EDC4: variants seen among roughly 807,000 people sequenced by gnomAD.
EDC4 encodes the protein enhancer of mRNA-decapping protein 4.
In EDC4, 64 loss-of-function variants were observed where a neutral mutation model predicts 155.8. The ratio of observed to expected loss-of-function variants is 0.41; its 90% CI spans 0.34 to 0.51. The LOEUF is 0.51. Ranked by LOEUF, EDC4 falls within the 20% of genes least tolerant of loss-of-function variation. The pLI is 0.19. For missense variants in EDC4, 1,303 were observed against 1,812.5 expected, an observed-to-expected ratio of 0.72 and a Z score of 5.10; for synonymous variants, 684 against 716.8, an observed-to-expected ratio of 0.95 and a Z score of 0.73.
At position 67,876,911 on chromosome 16, in the gene EDC4, G is replaced by A; in HGVS notation, c.390G>A (p.Gln130=). Residue 130 remains glutamine (Q), a synonymous_variant, in exon 4 of 29, where the codon CAG becomes CAA. Transcript: ENST00000358933. This position sits in a 1 kb window ranked among gnomAD's most constrained non-coding sequence, Gnocchi z 5.8. The stretch of plus-strand genomic sequence containing the variant: ...CTGTCGCCAAGTATGACTGGGAACA[G>A]AAGTACTACTATGGCAACCTGATTG... The part of the protein sequence containing the change: ...IQPVAKYDWE[Q]KYYYGNLIAV... The A allele has an allele frequency of 6.2e-7, 1 of 1,614,268 alleles. No homozygotes were observed. Among genetic ancestry groups the A allele is most frequent in the Non-Finnish European group, 8.5e-7 (1 of 1,180,044 alleles).
Position 67,878,909 on chromosome 16 carries a change from C to G in EDC4, c.1288-48C>G, listed in dbSNP as rs201852984. Reference sequence around the variant, plus strand: ...GAAGGCCGGGGGGCAGGTGGCGCATCACAGCCCTTAGCCTCTGAGCTCAGC... The same window carrying G: ...GAAGGCCGGGGGGCAGGTGGCGCATGACAGCCCTTAGCCTCTGAGCTCAGC... On this transcript the variant is annotated intron_variant, in intron 11 of 28. Transcript: ENST00000358933. This position sits in a 1 kb window ranked among gnomAD's most constrained non-coding sequence, Gnocchi z 5.2. The G allele has an allele frequency of 2.2e-5, 36 of 1,611,094 alleles. 1 individual carries two copies. In the Admixed American group the frequency reaches 5.8e-4, roughly 26 times the overall value.
At chr16:67,875,798 T>G in intron 1 of EDC4, 147 bp from the exon 2 acceptor site, 1 of 1,471,984 alleles carries the variant, frequency 6.8e-7, no homozygotes, top group Non-Finnish European at 8.9e-7. Flanking sequence ...GAACGAGAGA[T>G]GAACACAGGG....
chr16:67,877,722 A>T lies in EDC4; in HGVS notation c.790-19A>T, dbSNP rs1294652309. The T allele has an allele frequency of 1.9e-6, 3 of 1,613,634 alleles. No individual in the cohort carries two copies. Among genetic ancestry groups the T allele is most frequent in the Non-Finnish European group, 2.5e-6 (3 of 1,179,928 alleles). On this transcript the variant is annotated intron_variant, in intron 6 of 28. Coordinates refer to ENST00000358933, the MANE Select transcript of EDC4 (RefSeq NM_014329.5). This position sits in a 1 kb window ranked among gnomAD's most constrained non-coding sequence, Gnocchi z 4.9. ...TAGTGTGGGGTTGGGCTGCACACTC[A>T]CCTCCCTGTGCCTTCCAGGCTGAGG...
chr16:67,880,894 A>G lies in EDC4; in HGVS notation c.2435A>G (p.Glu812Gly), dbSNP rs767489377. 2 of 1,613,822 alleles carry G rather than the reference A, an allele frequency of 1.2e-6. No individual in the cohort carries two copies. The highest frequency in any genetic ancestry group is 1.7e-6 in the Non-Finnish European group (2 of 1,180,006). Residue 812 changes from glutamate to glycine, a missense_variant, in exon 18 of 29, where the codon GAG (glutamate) becomes GGG (glycine). Glu to Gly is a moderately conservative substitution (Grantham distance 98, BLOSUM62 -2). This residue lies in a region of EDC4 where 527 missense variants were observed against 757.0 expected (regional missense o/e 0.70). Transcript: ENST00000358933. This position sits in a 1 kb window ranked among gnomAD's most constrained non-coding sequence, Gnocchi z 5.2. Reference protein sequence around the residue: ...GDRHNTPSLLEAALTQEASTP... With the variant: ...GDRHNTPSLLGAALTQEASTP... ...CGGCATAATACCCCCTCCCTCCTGG[A>G]GGCAGCCTTGACCCAGGAGGCCTCG...
chr16:67,876,071 C>T lies in EDC4; in HGVS notation c.209C>T (p.Pro70Leu). ...AACAAGACTGGTCTTCGGACCATGC[C>T]ACCCATTAACCTGCAAGAGAAGCAG... ...SANKTGLRTM[P>L]PINLQEKQVI... The change falls in exon 2 of 29, where the codon CCA becomes CTA. Residue 70 changes from proline (P) to leucine (L), a missense_variant. By Grantham distance (98) the Pro-to-Leu change is moderately conservative. Around this residue, in one of 5 missense-constraint regions of EDC4, gnomAD observed 99 missense variants for 121.3 expected, o/e 0.82. Coordinates refer to ENST00000358933, the MANE Select transcript of EDC4 (RefSeq NM_014329.5). The surrounding 1 kb of genome is among the most constrained non-coding windows in gnomAD (Gnocchi z 5.8). 2 of 1,614,170 alleles carry T rather than the reference C, an allele frequency of 1.2e-6. No homozygotes were observed. The highest frequency in any genetic ancestry group is 1.1e-5 in the South Asian group (1 of 91,078).
In EDC4 at chr16:67,879,100, G is replaced by A. The variant is rs748667539; in HGVS notation, c.1431G>A (p.Val477=). 1 of 1,613,788 alleles carries A rather than the reference G, an allele frequency of 6.2e-7. No homozygotes were observed. Among genetic ancestry groups the A allele is most frequent in the East Asian group, 2.2e-5 (1 of 44,896 alleles). The change falls in exon 12 of 29, where the codon GTG becomes GTA. Residue 477 remains valine, a synonymous_variant. Transcript: ENST00000358933. This position sits in a 1 kb window ranked among gnomAD's most constrained non-coding sequence, Gnocchi z 6.0. ...GCTGCCGGCTACGGCACACTGAGGT[G>A]CTGCCTGCCGAAGAGGAAAATGACA... is the stretch of plus-strand genomic sequence containing the variant. The part of the protein sequence containing the change: ...VSRCRLRHTE[V]LPAEEENDSL...
Position 67,878,452 on chromosome 16 carries a change from G to A in EDC4, c.1088+9G>A, listed in dbSNP as rs202038188. Reference sequence around the variant, plus strand: ...AAGAAACAAGACCCTGAGTGAGTGAGTGGGCAGCCTAGTGGGTGGTGGGCT... The same window carrying A: ...AAGAAACAAGACCCTGAGTGAGTGAATGGGCAGCCTAGTGGGTGGTGGGCT... On this transcript the variant is annotated intron_variant, in intron 9 of 28. Coordinates refer to ENST00000358933, the MANE Select transcript of EDC4 (RefSeq NM_014329.5). This position sits in a 1 kb window ranked among gnomAD's most constrained non-coding sequence, Gnocchi z 5.2. 113 of 1,614,238 alleles carry A rather than the reference G, an allele frequency of 7.0e-5. No individual in the cohort carries two copies. The highest frequency in any genetic ancestry group is 3.5e-5 in the Non-Finnish European group (41 of 1,180,030).
Position 67,880,512 on chromosome 16 carries a change from G to T in EDC4, c.2098-45G>T. On this transcript the variant is annotated intron_variant, in intron 17 of 28. Coordinates refer to ENST00000358933, the MANE Select transcript of EDC4 (RefSeq NM_014329.5). The surrounding 1 kb of genome is among the most constrained non-coding windows in gnomAD (Gnocchi z 5.2). ...CCTCGTCTCTGTGCCCCCCATCTCT[G>T]CCTCACTTCCTGTCACTTAAGCCCC... 1 of 1,595,820 alleles carries T rather than the reference G, an allele frequency of 6.3e-7. No homozygotes were observed.
chr16:67,882,260 T>C lies in EDC4; in HGVS notation c.3209T>C (p.Val1070Ala). 1 of 1,613,498 alleles carries C rather than the reference T, an allele frequency of 6.2e-7. No homozygotes were observed. Among genetic ancestry groups the C allele is most frequent in the South Asian group, 1.1e-5 (1 of 90,994 alleles). The change falls in exon 24 of 29, where the codon GTG (valine) becomes GCG (alanine). Residue 1070 changes from valine (V) to alanine (A), a missense_variant. Around this residue, in one of 5 missense-constraint regions of EDC4, gnomAD observed 527 missense variants for 757.0 expected, o/e 0.70. Transcript: ENST00000358933. The surrounding 1 kb of genome is among the most constrained non-coding windows in gnomAD (Gnocchi z 7.2). ...ATGGCAGGCCAACTGAGCAACTCAGTGGCTACCAAGCTCACAGCTGTGGAG... is the reference window on the plus strand; with the variant it reads ...ATGGCAGGCCAACTGAGCAACTCAGCGGCTACCAAGCTCACAGCTGTGGAG... ...EPMAGQLSNS[V>A]ATKLTAVEGS... is the part of the protein sequence containing the mutation.
rs1490755619 is a variant in EDC4, at chr16:67,877,697, T to C, written c.789+41T>C. On this transcript the variant is annotated intron_variant, in intron 6 of 28. Coordinates refer to ENST00000358933, the MANE Select transcript of EDC4 (RefSeq NM_014329.5). The surrounding 1 kb of genome is among the most constrained non-coding windows in gnomAD (Gnocchi z 4.9). ...TGGCGAAGAGGCGCCAGAGAAGCCA[T>C]AGTGTGGGGTTGGGCTGCACACTCA... 3.1e-6 allele frequency: 5 copies of C among 1,614,020 alleles called. No homozygotes were observed. The highest frequency in any genetic ancestry group is 3.4e-6 in the Non-Finnish European group (4 of 1,179,976).
chr16:67,881,660 A>G lies in EDC4; in HGVS notation c.2827-8A>G, dbSNP rs2058068728. On this transcript the variant is annotated splice_polypyrimidine_tract_variant and splice_region_variant and intron_variant, in intron 21 of 28. Transcript: ENST00000358933. The surrounding 1 kb of genome is among the most constrained non-coding windows in gnomAD (Gnocchi z 5.4). ...CAGGCATCGTGTGACTGTCAGTGCTACTGACAGGTGGCAGAGCCCCCTGAG... is the reference window on the plus strand; with the variant it reads ...CAGGCATCGTGTGACTGTCAGTGCTGCTGACAGGTGGCAGAGCCCCCTGAG... 2 of 1,611,522 alleles carry G rather than the reference A, an allele frequency of 1.2e-6. No individual in the cohort carries two copies. The highest frequency in any genetic ancestry group is 1.3e-5 in the African/African-American group (1 of 74,844).
Position 67,880,186 on chromosome 16 carries a change from T to G in EDC4, c.2067T>G (p.Ala689=). ...GLLPGLLPAP[A]DKLTPKGPGQ... Reference sequence around the variant, plus strand: ...TGCCTGGCCTGCTCCCAGCCCCAGCTGACAAACTGACTCCCAAGGGGCCGG... The same window carrying G: ...TGCCTGGCCTGCTCCCAGCCCCAGCGGACAAACTGACTCCCAAGGGGCCGG... The change falls in exon 17 of 29, where the codon GCT becomes GCG. Residue 689 remains alanine (A), a synonymous_variant. Transcript: ENST00000358933. This position sits in a 1 kb window ranked among gnomAD's most constrained non-coding sequence, Gnocchi z 5.2. The G allele has an allele frequency of 2.5e-6, 4 of 1,610,706 alleles. No individual in the cohort carries two copies. The East Asian group carries it at 8.9e-5, about 36-fold the overall frequency.
chr16:67,876,622 A>T lies in EDC4; in HGVS notation c.351+23A>T, dbSNP rs368608238. ...AAGGTAGGTACTGGGATGCTGTGGC[A>T]TATATAATGTACGGGGGCACACCCA... On this transcript the variant is annotated intron_variant, in intron 3 of 28. Coordinates refer to ENST00000358933, the MANE Select transcript of EDC4 (RefSeq NM_014329.5). The surrounding 1 kb of genome is among the most constrained non-coding windows in gnomAD (Gnocchi z 5.8). 6 of 1,613,264 alleles carry T rather than the reference A, an allele frequency of 3.7e-6. No individual in the cohort carries two copies. Among genetic ancestry groups the T allele is most frequent in the Non-Finnish European group, 5.1e-6 (6 of 1,179,718 alleles).
Position 67,878,261 on chromosome 16 carries a change from G to C in EDC4, c.990G>C (p.Gly330=), listed in dbSNP as rs937335187. The C allele has an allele frequency of 6.2e-7, 1 of 1,614,072 alleles. No individual in the cohort carries two copies. Among genetic ancestry groups the C allele is most frequent in the African/African-American group, 1.3e-5 (1 of 74,926 alleles). ...YVKFWQIYIE[G]QDEPRCLHEW... is the part of the protein sequence containing the mutation. ...AGTTCTGGCAGATCTACATTGAGGG[G>C]CAAGATGAGCCAAGGTAAGGCAGGG... The change falls in exon 8 of 29, where the codon GGG becomes GGC. Residue 330 remains glycine, a synonymous_variant. Transcript: ENST00000358933. This position sits in a 1 kb window ranked among gnomAD's most constrained non-coding sequence, Gnocchi z 5.2.
At position 67,879,002 on chromosome 16, in the gene EDC4, G is replaced by A. The variant is rs748484838; in HGVS notation, c.1333G>A (p.Ala445Thr). 10 of 1,611,946 alleles carry A rather than the reference G, an allele frequency of 6.2e-6. No individual in the cohort carries two copies. The highest frequency in any genetic ancestry group is 4.5e-5 in the East Asian group (2 of 44,882). Residue 445 changes from alanine (A) to threonine (T), a missense_variant, in exon 12 of 29, where the codon GCC becomes ACC. Physicochemically the swap from Ala to Thr is moderately conservative, Grantham distance 58. Coordinates refer to ENST00000358933, the MANE Select transcript of EDC4 (RefSeq NM_014329.5). The surrounding 1 kb of genome is among the most constrained non-coding windows in gnomAD (Gnocchi z 6.0). ...GCTGCAAAACCAGGAGGAGGGCCAC[G>A]CCTGCTTCAGCTCCATCTCGGAGTT... ...ELLQNQEEGHACFSSISEFLL... is the reference protein window; with the variant it reads ...ELLQNQEEGHTCFSSISEFLL...
In EDC4 at chr16:67,882,943, C is replaced by T. The variant is rs368533752; in HGVS notation, c.3630-15C>T. ...GGCTCCCTGTCCACTTCACCTCACT[C>T]ACTTCCCTTTGCAGCCTGCAGGAGT... On this transcript the variant is annotated splice_polypyrimidine_tract_variant and intron_variant, in intron 26 of 28. Coordinates refer to ENST00000358933, the MANE Select transcript of EDC4 (RefSeq NM_014329.5). This position sits in a 1 kb window ranked among gnomAD's most constrained non-coding sequence, Gnocchi z 7.2. 1.5e-4 allele frequency: 236 copies of T among 1,613,694 alleles called. No homozygotes were observed. In the African/African-American group the frequency reaches 2.9e-3, roughly 19 times the overall value.
rs2058069672 is a variant in EDC4 at position 67,881,900 on chromosome 16, G to A, written c.3005-54G>A. ...CATAGGGACGGGGGCAGCATTCTTG[G>A]CCTGGGAAGGAGTACACGACCTGCT... On this transcript the variant is annotated intron_variant, in intron 22 of 28. Transcript: ENST00000358933. This position sits in a 1 kb window ranked among gnomAD's most constrained non-coding sequence, Gnocchi z 5.4. 2 of 1,603,468 alleles carry A rather than the reference G, an allele frequency of 1.2e-6. No homozygotes were observed. Among genetic ancestry groups the A allele is most frequent in the Non-Finnish European group, 1.7e-6 (2 of 1,171,734 alleles).
In EDC4 at chr16:67,877,427, G is replaced by T; in HGVS notation, c.641+21G>T. 6.2e-7 allele frequency: 1 copy of T among 1,611,192 alleles called. No individual in the cohort carries two copies. Among genetic ancestry groups the T allele is most frequent in the Non-Finnish European group, 8.5e-7 (1 of 1,178,088 alleles). On this transcript the variant is annotated intron_variant, in intron 5 of 28. Transcript: ENST00000358933. The surrounding 1 kb of genome is among the most constrained non-coding windows in gnomAD (Gnocchi z 4.9). ...ATTCAGTATCCATTCCTTCCTGTGGGTGGTGGGACTGAAGAAGGGTGGGCG... is the reference window on the plus strand; with the variant it reads ...ATTCAGTATCCATTCCTTCCTGTGGTTGGTGGGACTGAAGAAGGGTGGGCG...
intron 1 of EDC4, 50 bp from the exon 2 acceptor site, chr16:67,875,895 C>T (rs1223685078): frequency 3.8e-6 from 6 of 1,587,034 alleles, no homozygotes; most frequent in Admixed American, 3.5e-5. Flanking sequence ...AGGGGAGAGG[C>T]TTGTGGGCAG....
Sources: allele counts gnomAD v4.1 joint callset, GRCh38; gene constraint gnomAD v4.1.1; regional missense constraint gnomAD v4.1.1; non-coding constraint Gnocchi (gnomAD v3.1); transcripts MANE v1.5; gene names NCBI Gene and HGNC (gene_info 2026-07-23, HGNC 2026-07-21).